KCNN2: variants seen among roughly 807,000 people sequenced by gnomAD.
KCNN2 encodes the protein small conductance calcium-activated potassium channel protein 2.
In KCNN2, 24 loss-of-function variants were observed where a neutral mutation model predicts 55.5. The observed-to-expected ratio is 0.43, with a 90% CI of 0.31 to 0.61. The LOEUF is 0.61. Among genes scored for constraint, KCNN2 ranks in the 20% least tolerant of loss-of-function variants. KCNN2 has a pLI of 0.08. For missense variants in KCNN2, 754 were observed against 853.6 expected, an observed-to-expected ratio of 0.88 and a Z score of 1.45; for synonymous variants, 431 against 336.1, an observed-to-expected ratio of 1.28 and a Z score of -3.09.
chr5:114,118,317 CTCAT>C (rs1358131857), intron 1 of KCNN2, among the ~76,000 whole-genome samples: 1 of 152,180 alleles, frequency 6.6e-6, no homozygotes, highest in African/African-American at 2.4e-5. Flanking sequence ...CACTCTCTCA[CTCAT>C]TCATGAGAAA....
intron 6 of KCNN2, among the ~76,000 whole-genome samples, chr5:114,489,656 G>A (rs1747753841): frequency 6.6e-6 from 1 of 152,122 alleles, no homozygotes; most frequent in Non-Finnish European, 1.5e-5. Context: ...GTTTATTCAT[G>A]CAAGCTTTGT....
chr5:114,402,026 G>T (rs1366151803), intron 2 of KCNN2, among the ~76,000 whole-genome samples: 1 of 152,210 alleles, frequency 6.6e-6, no homozygotes. Flanking sequence ...ACCCAGGGAA[G>T]TATAGAGTGA....
At chr5:114,287,956 C>T (rs1380648812) in intron 2 of KCNN2, among the ~76,000 whole-genome samples, 1 of 152,064 alleles carries the variant, frequency 6.6e-6, no homozygotes, top group Non-Finnish European at 1.5e-5. Flanking sequence ...TAATGGTGCA[C>T]AGAGATTAAA....
At chr5:114,472,255 ACT>A (rs1488005122) in intron 4 of KCNN2, among the ~76,000 whole-genome samples, 1 of 151,950 alleles carries the variant, frequency 6.6e-6, no homozygotes, top group Non-Finnish European at 1.5e-5. Context: ...AGCACAGAAG[ACT>A]CTCACAACTT....
At chr5:114,488,739 C>T (rs184398982) in intron 6 of KCNN2, among the ~76,000 whole-genome samples, 1 of 152,292 alleles carries the variant, frequency 6.6e-6, no homozygotes, top group Admixed American at 6.5e-5. Context: ...TTAGAGTGGT[C>T]TTCCCCTGCT....
At chr5:114,347,985 G>A (rs909978105) in intron 2 of KCNN2, among the ~76,000 whole-genome samples, 3 of 152,058 alleles carry the variant, frequency 2.0e-5, no homozygotes, top group African/African-American at 7.2e-5. Flanking sequence ...TTAATATCAA[G>A]TGAGACCCTT....
chr5:114,345,647 T>C (rs774016116), intron 2 of KCNN2, among the ~76,000 whole-genome samples: 70 of 152,228 alleles, frequency 4.6e-4, no homozygotes, highest in Non-Finnish European at 8.1e-4. Context: ...TAGTCTGTTC[T>C]TGCATTGTTA....
chr5:114,343,966 C>A (rs1017389623), intron 2 of KCNN2, among the ~76,000 whole-genome samples: 7 of 152,182 alleles, frequency 4.6e-5, no homozygotes, highest in African/African-American at 1.7e-4. Flanking sequence ...GCACCTTTCT[C>A]TTCACACTTT....
chr5:114,249,539 G>A (rs953837202), intron 2 of KCNN2, among the ~76,000 whole-genome samples: 1 of 151,704 alleles, frequency 6.6e-6, no homozygotes, highest in African/African-American at 2.4e-5. Context: ...TGCCTGCCTC[G>A]GCCTCCCAAA....
In KCNN2 at chr5:114,144,437, G is replaced by A. The variant is rs185748970; in HGVS notation, c.-270-77043G>A. On this transcript the variant is annotated intron_variant, in intron 1 of 10. Transcript: ENST00000512097. ...AACTCCAGCAGTAGCAGCAGTCACC[G>A]TAGCAGCAATCAAGCCCATCATTAC... 6.6e-5 allele frequency among the ~76,000 whole-genome samples: 10 copies of A among 152,180 alleles called. No individual in the cohort carries two copies. The East Asian group carries it at 9.7e-4, about 15-fold the overall frequency.
chr5:114,470,540 C>A (rs1761679720), intron 4 of KCNN2, among the ~76,000 whole-genome samples: 1 of 152,192 alleles, frequency 6.6e-6, no homozygotes, highest in Non-Finnish European at 1.5e-5. Context: ...AGAACTCTTT[C>A]TTTAGACTTC....
intron 2 of KCNN2, among the ~76,000 whole-genome samples, chr5:114,317,089 T>C (rs958746495): frequency 2.0e-5 from 3 of 152,116 alleles, no homozygotes; most frequent in African/African-American, 7.2e-5. Flanking sequence ...TTCCTTCATC[T>C]CTCTTCCTAG....
intron 2 of KCNN2, among the ~76,000 whole-genome samples, chr5:114,392,861 A>G (rs1425285486): frequency 6.9e-6 from 1 of 145,192 alleles, no homozygotes; most frequent in African/African-American, 2.6e-5. Flanking sequence ...CTAAGGAAGG[A>G]GGCTTTTTTT....
At chr5:114,417,963 A>G (rs1367775711) in intron 3 of KCNN2, among the ~76,000 whole-genome samples, 4 of 152,186 alleles carry the variant, frequency 2.6e-5, no homozygotes, top group Non-Finnish European at 5.9e-5. Context: ...GGCCAAGAGG[A>G]ACACCAACTG....
chr5:114,489,634 G>A (rs573228557), intron 6 of KCNN2, among the ~76,000 whole-genome samples: 1 of 152,266 alleles, frequency 6.6e-6, no homozygotes, highest in East Asian at 1.9e-4. Context: ...TTCTAAAAGT[G>A]TAACTGAGTA....
At chr5:114,192,512 G>A (rs576119900) in intron 1 of KCNN2, among the ~76,000 whole-genome samples, 77 of 152,200 alleles carry the variant, frequency 5.1e-4, no homozygotes, top group African/African-American at 1.8e-3. Flanking sequence ...TTTCTCTGAG[G>A]AAGATTTCTT....
chr5:114,361,872 G>C (rs1236978532), upstream of KCNN2: 1 of 153,102 alleles, frequency 6.5e-6, no homozygotes, highest in Non-Finnish European at 1.5e-5. Context: ...ACCCCCCTAG[G>C]GTTTGTCCTG....
At chr5:114,387,542 A>G (rs1758322304) in intron 2 of KCNN2, among the ~76,000 whole-genome samples, 1 of 149,120 alleles carries the variant, frequency 6.7e-6, no homozygotes, top group Non-Finnish European at 1.5e-5. Context: ...CTAAAAAAAA[A>G]TATTCCCTGT....
At chr5:114,313,987 C>T (rs767029127) in intron 2 of KCNN2, among the ~76,000 whole-genome samples, 2 of 152,042 alleles carry the variant, frequency 1.3e-5, no homozygotes, top group African/African-American at 2.4e-5. Context: ...TAATCAACTT[C>T]GATGAACGTT....
Sources: gnomAD v4.1 joint callset for allele counts (sites outside exome capture counted in the v4.1 genomes callset) on GRCh38, gnomAD v4.1.1 for gene constraint, MANE v1.5 for transcripts, NCBI Gene and HGNC (gene_info 2026-07-23, HGNC 2026-07-21) for gene names.